The following DNAH12 variants were observed in gnomAD, a reference collection of about 807,000 sequenced individuals.
DNAH12 encodes the protein dynein axonemal heavy chain 12, also known as axonemal beta dynein heavy chain 12.
A neutral mutation model predicts 371.5 loss-of-function variants in DNAH12; 285 were observed. The ratio of observed to expected loss-of-function variants is 0.77; its 90% CI spans 0.70 to 0.85. The LOEUF (loss-of-function observed/expected upper bound fraction) is 0.85, where lower values mean the gene tolerates loss of function less well. Ranked by LOEUF, DNAH12 falls within the 40% of genes least tolerant of loss-of-function variation. The probability of loss-of-function intolerance (pLI) is 0.00; values close to 1 mark genes in which losing one functional copy is unlikely to be tolerated. For synonymous variants in DNAH12, 1,200 were observed against 1,213.0 expected, an observed-to-expected ratio of 0.99 and a Z score of 0.22; for missense variants, 3,611 against 3,689.4, an observed-to-expected ratio of 0.98 and a Z score of 0.55.
chr3:57,411,485 C>T (rs1204490672), intron 39 of DNAH12, among the ~76,000 whole-genome samples: 1 of 130,650 alleles, frequency 7.7e-6, no homozygotes, highest in Non-Finnish European at 1.5e-5. Flanking sequence ...CAAGATCATG[C>T]CACTGCACTC....
chr3:57,302,555 A>T lies in DNAH12; in HGVS notation c.11190-616T>A, dbSNP rs370377798. Among the ~76,000 whole-genome samples, 158 of 80,958 alleles carry T rather than the reference A, an allele frequency of 2.0e-3. 3 individuals carry two copies. The highest frequency in any genetic ancestry group is 5.8e-3 in the African/African-American group (130 of 22,536). The allele number at this position is 80,958 out of a possible 152,430, so 53.1% of individuals were successfully genotyped here. The stretch of plus-strand genomic sequence containing the variant: ...TATATATATATATATATATATATAT[A>T]TATATATATGTATTTTTTTTTTTTT... On this transcript the variant is annotated intron_variant, in intron 69 of 73. Transcript: ENST00000495027.
At chr3:57,461,015 T>A (rs1220535059) in intron 19 of DNAH12, among the ~76,000 whole-genome samples, 1 of 152,222 alleles carries the variant, frequency 6.6e-6, no homozygotes, top group Non-Finnish European at 1.5e-5. Flanking sequence ...ATAGTTTTCA[T>A]ATCCAATAAG....
At chr3:57,478,792 T>G (rs1208550911) in intron 13 of DNAH12, among the ~76,000 whole-genome samples, 1 of 152,124 alleles carries the variant, frequency 6.6e-6, no homozygotes, top group East Asian at 1.9e-4. Context: ...AGAAAAGAAT[T>G]TTCAACCCAG....
At chr3:57,389,714 G>C (rs965970390) in intron 45 of DNAH12, among the ~76,000 whole-genome samples, 13,691 of 150,540 alleles carry the variant, frequency 0.091, 2,088 homozygotes, top group African/African-American at 0.31. Context: ...GCAAGGAATG[G>C]CTCATACATG....
intron 2 of DNAH12, among the ~76,000 whole-genome samples, chr3:57,528,065 G>A (rs1459262897): frequency 6.6e-6 from 1 of 151,878 alleles, no homozygotes; most frequent in African/African-American, 2.4e-5. Context: ...TTTCGCTCTT[G>A]TTGCCCAGGC....
At chr3:57,554,211 C>T in the DNAH12 span, among the ~76,000 whole-genome samples, 1 of 130,610 alleles carries the variant, frequency 7.7e-6, no homozygotes, top group South Asian at 2.3e-4. Context: ...CGCTTGAACC[C>T]GGGAGGTGGA....
intron 1 of DNAH12, among the ~76,000 whole-genome samples, chr3:57,543,541 C>T (rs555587846): frequency 1.3e-5 from 2 of 149,324 alleles, no homozygotes; most frequent in South Asian, 2.2e-4. Context: ...AGGCTGGTCT[C>T]GAACTCCTGA....
At chr3:57,486,294 G>A (rs2066921762) in intron 12 of DNAH12, among the ~76,000 whole-genome samples, 1 of 151,968 alleles carries the variant, frequency 6.6e-6, no homozygotes. Context: ...TCTAGCCCAG[G>A]CACAGAGGCT....
At chr3:57,300,236 A>AC in intron 70 of DNAH12, among the ~76,000 whole-genome samples, 1 of 152,290 alleles carries the variant, frequency 6.6e-6, no homozygotes, top group South Asian at 2.1e-4. Flanking sequence ...ACTGACCATG[A>AC]CGCTGGCCCC....
intron 34 of DNAH12, among the ~76,000 whole-genome samples, chr3:57,426,499 G>C (rs11929019): frequency 0.21 from 31,655 of 151,834 alleles, 3,502 homozygotes; most frequent in African/African-American, 0.23. Flanking sequence ...GGGATGGAAA[G>C]AAAACAGGTA....
At chr3:57,465,534 A>G (rs1333557979) in intron 17 of DNAH12, among the ~76,000 whole-genome samples, 1 of 152,090 alleles carries the variant, frequency 6.6e-6, no homozygotes, top group African/African-American at 2.4e-5. Flanking sequence ...CAAATAACAA[A>G]CTATAAGAGT....
chr3:57,551,821 CAG>C, the DNAH12 span, among the ~76,000 whole-genome samples: 2 of 148,034 alleles, frequency 1.4e-5, no homozygotes, highest in Non-Finnish European at 3.0e-5. Flanking sequence ...GAAAAAAAAA[CAG>C]AACTTGAGAA....
intron 2 of DNAH12, among the ~76,000 whole-genome samples, chr3:57,526,179 GTT>G: frequency 6.6e-6 from 1 of 152,180 alleles, no homozygotes; most frequent in African/African-American, 2.4e-5. Flanking sequence ...AATTCAAAGA[GTT>G]TAATTTTTAG....
At chr3:57,323,640 G>A in intron 62 of DNAH12, 21 bp from the exon 63 acceptor site, 1 of 1,496,466 alleles carries the variant, frequency 6.7e-7, no homozygotes, top group Non-Finnish European at 8.9e-7. Context: ...GAAAAGATAT[G>A]ATCTTTAGAG....
At position 57,403,505 on chromosome 3, in the gene DNAH12, C is replaced by T. The variant is rs573044005; in HGVS notation, c.6756-4G>A. Reference sequence around the variant, plus strand: ...TGATAAATGTTCCAAAACATACCTACCACAAAAGAAAAATTTTATTAATGC... The same window carrying T: ...TGATAAATGTTCCAAAACATACCTATCACAAAAGAAAAATTTTATTAATGC... On this transcript the variant is annotated splice_region_variant and splice_polypyrimidine_tract_variant and intron_variant, in intron 42 of 73. Coordinates refer to ENST00000495027, the MANE Select transcript of DNAH12 (RefSeq NM_001366028.2). The T allele has an allele frequency of 3.4e-4, 522 of 1,534,834 alleles. 8 individuals carry two copies. The Middle Eastern group carries it at 0.022, about 65-fold the overall frequency.
intron 13 of DNAH12, among the ~76,000 whole-genome samples, chr3:57,476,211 G>C (rs781768055): frequency 6.6e-6 from 1 of 151,968 alleles, no homozygotes; most frequent in African/African-American, 2.4e-5. Context: ...TAACTATATT[G>C]ATTAGAAATG....
At chr3:57,339,824 C>T (rs2062349182) in intron 60 of DNAH12, among the ~76,000 whole-genome samples, 1 of 152,134 alleles carries the variant, frequency 6.6e-6, no homozygotes, top group African/African-American at 2.4e-5. Flanking sequence ...AATCCTAGCA[C>T]TTTGGGAGGC....
chr3:57,550,968 T>C, the DNAH12 span, among the ~76,000 whole-genome samples: 1 of 151,312 alleles, frequency 6.6e-6, no homozygotes, highest in East Asian at 1.9e-4. Context: ...AAGCTCCGCT[T>C]CCTGGGTTCA....
chr3:57,300,700 A>T (rs2061327049), intron 70 of DNAH12, among the ~76,000 whole-genome samples: 1 of 152,210 alleles, frequency 6.6e-6, no homozygotes, highest in South Asian at 2.1e-4. Flanking sequence ...TCTTACAAGC[A>T]CTGGTTATTT....
Sources: allele counts gnomAD v4.1 joint callset (sites outside exome capture counted in the v4.1 genomes callset), GRCh38; gene constraint gnomAD v4.1.1; transcripts MANE v1.5; gene names NCBI Gene and HGNC (gene_info 2026-07-23, HGNC 2026-07-21).